LIPC: variants seen among roughly 807,000 people sequenced by gnomAD.
LIPC encodes the protein lipase C, hepatic type, also known as hepatic triacylglycerol lipase.
In LIPC, 44 loss-of-function variants were observed where a neutral mutation model predicts 50.7. The ratio of observed to expected loss-of-function variants is 0.87; its 90% CI spans 0.68 to 1.11. LIPC has a LOEUF of 1.11. LIPC is among the 50% of genes most tolerant of loss of function. The pLI, the probability that LIPC is intolerant of heterozygous loss-of-function variation, is 0.00. For missense variants in LIPC, 697 were observed against 648.2 expected, an observed-to-expected ratio of 1.08 and a Z score of -0.82; for synonymous variants, 271 against 256.4, an observed-to-expected ratio of 1.06 and a Z score of -0.54.
chr15:58,538,228 AG>A, intron 1 of LIPC, 104 bp from the exon 2 acceptor site: 1 of 1,093,612 alleles, frequency 9.1e-7, no homozygotes, highest in East Asian at 2.4e-5. Flanking sequence ...AGCATCTCCC[AG>A]TAACCTCTTT....
At chr15:58,519,971 T>A (rs971602064) in intron 1 of LIPC, among the ~76,000 whole-genome samples, 11 of 152,162 alleles carry the variant, frequency 7.2e-5, no homozygotes, top group African/African-American at 2.7e-4. Flanking sequence ...ACTGGCCGAG[T>A]CAGAAGGAAA....
At chr15:58,445,679 G>C (rs1434434776) in intron 1 of LIPC, among the ~76,000 whole-genome samples, 1 of 152,142 alleles carries the variant, frequency 6.6e-6, no homozygotes, top group South Asian at 2.1e-4. Context: ...GAAAGACCTG[G>C]GCCTGAGTCC....
intron 1 of LIPC, among the ~76,000 whole-genome samples, chr15:58,434,269 C>G (rs1893218133): frequency 6.6e-6 from 1 of 152,100 alleles, no homozygotes; most frequent in South Asian, 2.1e-4. Flanking sequence ...TCATCGAGCA[C>G]CAGGAAGTAC....
At chr15:58,451,928 A>G (rs1477693318) in intron 1 of LIPC, among the ~76,000 whole-genome samples, 1 of 152,122 alleles carries the variant, frequency 6.6e-6, no homozygotes, top group East Asian at 1.9e-4. Flanking sequence ...CCTGGGCAGC[A>G]TAACAGACTC....
chr15:58,552,758 G>A (rs1415170922), intron 6 of LIPC, among the ~76,000 whole-genome samples: 2 of 152,234 alleles, frequency 1.3e-5, no homozygotes, highest in East Asian at 1.9e-4. Flanking sequence ...GAAGAAGCAG[G>A]GGGTGTCGTA....
intron 1 of LIPC, among the ~76,000 whole-genome samples, chr15:58,480,863 C>T (rs1891161255): frequency 6.6e-6 from 1 of 152,100 alleles, no homozygotes; most frequent in South Asian, 2.1e-4. Flanking sequence ...TGGCCTTGTA[C>T]TGTAGGTTCC....
intron 6 of LIPC, among the ~76,000 whole-genome samples, chr15:58,559,128 T>C (rs1444592658): frequency 8.5e-5 from 13 of 152,182 alleles, no homozygotes; most frequent in African/African-American, 2.7e-4. Context: ...AGTTAGTAGA[T>C]TGATTGATGA....
chr15:58,566,276 G>C (rs1894362834), intron 8 of LIPC: 1 of 985,318 alleles, frequency 1.0e-6, no homozygotes, highest in Admixed American at 6.2e-5. Flanking sequence ...AGGCCAAGAG[G>C]TGTTCCCAGG....
chr15:58,490,801 C>T (rs1435972901), intron 1 of LIPC, among the ~76,000 whole-genome samples: 1 of 152,140 alleles, frequency 6.6e-6, no homozygotes, highest in South Asian at 2.1e-4. Context: ...TGGTCGCTTC[C>T]GGCTCTGATG....
intron 1 of LIPC, among the ~76,000 whole-genome samples, chr15:58,497,549 C>T (rs1280984855): frequency 6.6e-6 from 1 of 151,982 alleles, no homozygotes; most frequent in Non-Finnish European, 1.5e-5. Flanking sequence ...TGGAAACATC[C>T]TCTCATCTTC....
chr15:58,488,169 G>A (rs1408037541), intron 1 of LIPC, among the ~76,000 whole-genome samples: 2 of 152,358 alleles, frequency 1.3e-5, no homozygotes, highest in East Asian at 3.9e-4. Flanking sequence ...TACTCAGGAG[G>A]CTGAGGCAGG....
chr15:58,511,246 A>G (rs1363789534), intron 1 of LIPC, among the ~76,000 whole-genome samples: 1 of 151,818 alleles, frequency 6.6e-6, no homozygotes, highest in Non-Finnish European at 1.5e-5. Context: ...TGTTCATTCA[A>G]CTCAAAGGCA....
In LIPC at chr15:58,539,214, T is replaced by C. The variant is rs2233740; in HGVS notation, c.273+697T>C. Among the ~76,000 whole-genome samples, 153 of 152,326 alleles carry C rather than the reference T, an allele frequency of 1.0e-3. 3 individuals carry two copies. The East Asian group carries it at 0.027, about 27-fold the overall frequency. The stretch of plus-strand genomic sequence containing the variant: ...AAAAGCAAGGTTTTTACAAGAGCTT[T>C]ATTGAGATATAATTTACAAAGCGTA... On this transcript the variant is annotated intron_variant, in intron 2 of 8. Transcript: ENST00000299022.
At chr15:58,510,267 T>G (rs1381092464) in intron 1 of LIPC, among the ~76,000 whole-genome samples, 5 of 152,230 alleles carry the variant, frequency 3.3e-5, no homozygotes, top group African/African-American at 9.6e-5. Flanking sequence ...TATCTTACAA[T>G]GCTGTGGGCT....
intron 1 of LIPC, among the ~76,000 whole-genome samples, chr15:58,500,753 C>T (rs1891957390): frequency 7.1e-6 from 1 of 140,316 alleles, no homozygotes; most frequent in South Asian, 2.6e-4. Flanking sequence ...CCCCCTCTCC[C>T]CCCACCACCC....
At chr15:58,467,805 T>C (rs1186527341) in intron 1 of LIPC, among the ~76,000 whole-genome samples, 1 of 152,184 alleles carries the variant, frequency 6.6e-6, no homozygotes, top group African/African-American at 2.4e-5. Context: ...TCAAATCCTG[T>C]CCGCCGCTTA....
At chr15:58,479,600 T>C (rs1328702459) in intron 1 of LIPC, among the ~76,000 whole-genome samples, 1 of 152,238 alleles carries the variant, frequency 6.6e-6, no homozygotes, top group Non-Finnish European at 1.5e-5. Context: ...TCAATGCAGA[T>C]TGTAATTTGT....
rs572161614 is a variant in LIPC at position 58,544,391 on chromosome 15, C to CTTTT, written c.575-1348_575-1347insTTTT. 2.2e-3 allele frequency among the ~76,000 whole-genome samples: 238 copies of CTTTT among 110,210 alleles called. 31 individuals are homozygous for CTTTT. Among genetic ancestry groups the CTTTT allele is most frequent in the African/African-American group, 2.9e-3 (87 of 30,198 alleles). 72.3% of individuals were successfully genotyped at this position (110,210 alleles called of 152,430 possible). A position where few individuals can be genotyped will look rare whatever the true frequency, so the allele number is the denominator to read the frequency against. ...CATATCAGGACATTTTTCTTTTTCTCTTTCTTTTTTTTTTTTTTTTTTGAG... is the reference window on the plus strand; with the variant it reads ...CATATCAGGACATTTTTCTTTTTCTCTTTTTTTCTTTTTTTTTTTTTTTTTTGAG... On this transcript the variant is annotated intron_variant, in intron 4 of 8. Coordinates refer to ENST00000299022, the MANE Select transcript of LIPC (RefSeq NM_000236.3).
intron 1 of LIPC, among the ~76,000 whole-genome samples, chr15:58,506,948 T>G (rs1268782855): frequency 6.6e-6 from 1 of 152,154 alleles, no homozygotes; most frequent in Non-Finnish European, 1.5e-5. Context: ...AACACATCCT[T>G]CCGCAAATGG....
Sources: gnomAD v4.1 joint callset for allele counts (sites outside exome capture counted in the v4.1 genomes callset) on GRCh38, gnomAD v4.1.1 for gene constraint, MANE v1.5 for transcripts, NCBI Gene and HGNC (gene_info 2026-07-23, HGNC 2026-07-21) for gene names.